The following NEGR1 variants were observed in gnomAD, a reference collection of about 807,000 sequenced individuals.
NEGR1 encodes the protein neuronal growth regulator 1.
A neutral mutation model predicts 40.9 loss-of-function variants in NEGR1; 10 were observed. That is an observed-to-expected ratio of 0.24 (90% CI 0.15 to 0.42). NEGR1 has a LOEUF of 0.42. NEGR1 is among the 10% of genes least tolerant of loss of function. The pLI is 1.00. For synonymous variants in NEGR1, 185 were observed against 166.8 expected (o/e 1.11, Z -0.84); for missense variants, 352 against 438.9 (o/e 0.80, Z 1.77).
intron 1 of NEGR1, among the ~76,000 whole-genome samples, chr1:72,265,936 T>C (rs957334758): frequency 2.7e-5 from 4 of 150,844 alleles, no homozygotes; most frequent in African/African-American, 9.7e-5. Context: ...CTACAGTATG[T>C]ACTCTAGAAT....
intron 1 of NEGR1, among the ~76,000 whole-genome samples, chr1:71,964,548 T>C (rs1646194865): frequency 6.6e-6 from 1 of 152,134 alleles, no homozygotes; most frequent in South Asian, 2.1e-4. Context: ...CCCTCAGCCA[T>C]TCGAGTCACA....
At chr1:72,122,612 G>T (rs1649845551) in intron 1 of NEGR1, among the ~76,000 whole-genome samples, 1 of 151,836 alleles carries the variant, frequency 6.6e-6, no homozygotes, top group African/African-American at 2.4e-5. Flanking sequence ...ATAAATAAGG[G>T]ATTCAACAGC....
chr1:71,593,877 T>C (rs1649593082), intron 5 of NEGR1, among the ~76,000 whole-genome samples: 1 of 152,198 alleles, frequency 6.6e-6, no homozygotes, highest in Non-Finnish European at 1.5e-5. Flanking sequence ...TAAAGGACTC[T>C]TATATCTCTC....
At chr1:72,165,081 T>C (rs900702310) in intron 1 of NEGR1, among the ~76,000 whole-genome samples, 3 of 152,046 alleles carry the variant, frequency 2.0e-5, no homozygotes, top group African/African-American at 7.2e-5. Context: ...TCTATTATCA[T>C]TGGTATTATA....
In NEGR1 at chr1:71,722,859, T is replaced by C. The variant is rs145201555; in HGVS notation, c.536-24720A>G. Among the ~76,000 whole-genome samples, 496 of 152,244 alleles carry C rather than the reference T, an allele frequency of 3.3e-3. 3 individuals are homozygous for C. The highest frequency in any genetic ancestry group is 0.011 in the African/African-American group (475 of 41,572). ...ACATTCAAGATCAGGAATATATCCATCACCTCTAAAAGTTTCCTTGTGTAC... is the reference window on the plus strand; with the variant it reads ...ACATTCAAGATCAGGAATATATCCACCACCTCTAAAAGTTTCCTTGTGTAC... On this transcript the variant is annotated intron_variant, in intron 3 of 6. Coordinates refer to ENST00000357731, the MANE Select transcript of NEGR1 (RefSeq NM_173808.3).
chr1:71,613,015 T>C (rs598323), intron 4 of NEGR1, among the ~76,000 whole-genome samples: 145,981 of 152,252 alleles, frequency 0.96, 70,277 homozygotes, highest in East Asian at 1. Flanking sequence ...AAATGGTGAG[T>C]CCCTGCAGAG....
chr1:71,923,059 T>C (rs1013981490), intron 2 of NEGR1, among the ~76,000 whole-genome samples: 11 of 152,186 alleles, frequency 7.2e-5, no homozygotes, highest in Non-Finnish European at 1.2e-4. Flanking sequence ...GTTTATACTC[T>C]AAGAGACTTC....
chr1:72,111,689 T>C (rs1649377673), intron 1 of NEGR1, among the ~76,000 whole-genome samples: 1 of 151,754 alleles, frequency 6.6e-6, no homozygotes, highest in Non-Finnish European at 1.5e-5. Flanking sequence ...GAAATGAGAA[T>C]TTTGAAATTC....
chr1:72,167,585 G>A (rs1651813371), intron 1 of NEGR1, among the ~76,000 whole-genome samples: 1 of 151,856 alleles, frequency 6.6e-6, no homozygotes, highest in South Asian at 2.1e-4. Flanking sequence ...AAAGCAAAAT[G>A]GTATTTTTAT....
At chr1:71,562,067 ATAATGACTTAT>A (rs1400259799) in intron 6 of NEGR1, among the ~76,000 whole-genome samples, 1 of 151,634 alleles carries the variant, frequency 6.6e-6, no homozygotes, top group African/African-American at 2.4e-5. Context: ...AGATCCGCTA[ATAATGACTTAT>A]TAAAGTTCTT....
chr1:72,088,146 T>C lies in NEGR1; in HGVS notation c.177-152835A>G, dbSNP rs115363598. Among the ~76,000 whole-genome samples, 498 of 152,256 alleles carry C rather than the reference T, an allele frequency of 3.3e-3. 3 individuals carry two copies. Among genetic ancestry groups the C allele is most frequent in the African/African-American group, 0.012 (478 of 41,536 alleles). ...TTCTTTGATGGCTAATTAAATTAAT[T>C]TGGAGCTACTCCTATTAATCATCAT... On this transcript the variant is annotated intron_variant, in intron 1 of 6. Transcript: ENST00000357731.
intron 1 of NEGR1, among the ~76,000 whole-genome samples, chr1:72,126,725 T>A (rs114695213): frequency 2.1e-3 from 320 of 152,270 alleles, no homozygotes; most frequent in African/African-American, 7.3e-3. Context: ...GACACAAGAC[T>A]CTTGAGTCAG....
chr1:72,121,988 ACC>A (rs1649823207), intron 1 of NEGR1, among the ~76,000 whole-genome samples: 1 of 152,030 alleles, frequency 6.6e-6, no homozygotes, highest in Non-Finnish European at 1.5e-5. Flanking sequence ...AATACTGTTT[ACC>A]CAGATACCAA....
chr1:71,811,858 A>ATTTAT (rs71074806), intron 2 of NEGR1, among the ~76,000 whole-genome samples: 32,425 of 137,432 alleles, frequency 0.24, 4,270 homozygotes, highest in Middle Eastern at 0.29. Flanking sequence ...AGTTCTATTT[A>ATTTAT]TTTATTTTAT....
chr1:71,898,855 A>AATATATTGCAAATAT (rs1273233221), intron 2 of NEGR1, among the ~76,000 whole-genome samples: 10 of 146,336 alleles, frequency 6.8e-5, no homozygotes, highest in East Asian at 5.9e-4. Context: ...AAATATATAT[A>AATATATTGCAAATAT]ATATATTGCA....
intron 6 of NEGR1, among the ~76,000 whole-genome samples, chr1:71,568,688 T>C (rs1324042741): frequency 6.6e-6 from 1 of 152,112 alleles, no homozygotes; most frequent in African/African-American, 2.4e-5. Flanking sequence ...ATTGTTTGTA[T>C]ATATACATAT....
At chr1:71,800,034 G>C (rs1232974378) in intron 2 of NEGR1, among the ~76,000 whole-genome samples, 1 of 151,956 alleles carries the variant, frequency 6.6e-6, no homozygotes, top group African/African-American at 2.4e-5. Context: ...TTTAATGATC[G>C]CCATTGTAAT....
At chr1:72,257,611 T>C (rs2100540636) in intron 1 of NEGR1, among the ~76,000 whole-genome samples, 1 of 152,264 alleles carries the variant, frequency 6.6e-6, no homozygotes, top group African/African-American at 2.4e-5. Context: ...CCAACATGAA[T>C]AAAGTGAAGG....
chr1:71,501,522 T>C (rs1219570869), intron 6 of NEGR1, among the ~76,000 whole-genome samples: 1 of 152,142 alleles, frequency 6.6e-6, no homozygotes, highest in African/African-American at 2.4e-5. Context: ...TACCAAGAGC[T>C]GCATGACTCT....
Sources: gnomAD v4.1 joint callset for allele counts (sites outside exome capture counted in the v4.1 genomes callset) on GRCh38, gnomAD v4.1.1 for gene constraint, MANE v1.5 for transcripts, NCBI Gene and HGNC (gene_info 2026-07-23, HGNC 2026-07-21) for gene names.